Variants in PDE11A observed in about 807,000 individuals in gnomAD.
PDE11A encodes phosphodiesterase 11A, also known as dual 3',5'-cyclic-AMP and -GMP phosphodiesterase 11A.
Under a neutral mutation model 100.5 loss-of-function variants are expected in PDE11A, and 100 were observed. The observed-to-expected ratio is 1.00, with a 90% CI of 0.85 to 1.18. The LOEUF (loss-of-function observed/expected upper bound fraction) is 1.18, where lower values mean the gene tolerates loss of function less well. PDE11A is among the 50% of genes most tolerant of loss of function. The pLI is 0.00. For missense variants in PDE11A, 1,141 were observed against 1,152.6 expected (o/e 0.99, Z 0.15); for synonymous variants, 381 against 420.8 (o/e 0.91, Z 1.16).
chr2:177,738,749 G>A (rs916807199), intron 10 of PDE11A, among the ~76,000 whole-genome samples: 6 of 152,146 alleles, frequency 3.9e-5, no homozygotes, highest in Non-Finnish European at 8.8e-5. Context: ...ATATTCCATG[G>A]TGCTTGATAG....
At chr2:178,075,796 T>C (rs989490483), upstream of PDE11A, among the ~76,000 whole-genome samples, 1 of 152,130 alleles carries the variant, frequency 6.6e-6, no homozygotes, top group Non-Finnish European at 1.5e-5. Context: ...CTTGGCCCTA[T>C]ATGGAAACTT....
rs777632920 is a variant in PDE11A, at chr2:178,072,753, T to C, written c.-316A>G. The C allele has an allele frequency of 3.8e-6, 5 of 1,306,262 alleles. No homozygotes were observed. The highest frequency in any genetic ancestry group is 3.9e-6 in the Non-Finnish European group (4 of 1,019,630). 80.9% of individuals were successfully genotyped at this position (1,306,262 alleles called of 1,614,324 possible). ...CTGCTCCTGTTCTGGCTGCCGCCGC[T>C]GCTGCTGGAACTGCTGCTGTAACCG... is the stretch of plus-strand genomic sequence containing the variant. On this transcript the variant is annotated 5_prime_UTR_variant, in exon 1 of 20. Transcript: ENST00000286063.
At chr2:177,929,694 G>C (rs2085179933) in intron 2 of PDE11A, among the ~76,000 whole-genome samples, 1 of 152,134 alleles carries the variant, frequency 6.6e-6, no homozygotes, top group South Asian at 2.1e-4. Flanking sequence ...GGTGTGGGAA[G>C]AGAGAGTTAA....
At position 177,626,071 on chromosome 2, in the gene PDE11A, C is replaced by T. The variant is rs1281775672; in HGVS notation, c.*3336G>A. The T allele has an allele frequency of 6.6e-6, 1 of 152,616 alleles. No individual in the cohort carries two copies. The highest frequency in any genetic ancestry group is 2.4e-5 in the African/African-American group (1 of 41,432). 9.5% of individuals were successfully genotyped at this position (152,616 alleles called of 1,614,324 possible). Reference sequence around the variant, plus strand: ...TATGGCAGATTGCAATGGTGTTGAACTCCCCTTGCTACCAGTGGATGTTGC... The same window carrying T: ...TATGGCAGATTGCAATGGTGTTGAATTCCCCTTGCTACCAGTGGATGTTGC... On this transcript the variant is annotated 3_prime_UTR_variant, in exon 20 of 20. Transcript: ENST00000286063.
chr2:177,846,805 C>A (rs957372056), intron 5 of PDE11A, among the ~76,000 whole-genome samples: 2 of 152,188 alleles, frequency 1.3e-5, no homozygotes, highest in Non-Finnish European at 2.9e-5. Flanking sequence ...CTCCTTCAAG[C>A]TTTTCTTCAA....
At chr2:177,662,006 G>A (rs1277720396) in intron 19 of PDE11A, among the ~76,000 whole-genome samples, 4 of 152,098 alleles carry the variant, frequency 2.6e-5, no homozygotes, top group Admixed American at 6.6e-5. Flanking sequence ...GTATCTAACC[G>A]ACAGATAAGT....
At chr2:177,911,649 C>T (rs555348886) in intron 2 of PDE11A, among the ~76,000 whole-genome samples, 56 of 152,156 alleles carry the variant, frequency 3.7e-4, no homozygotes, top group African/African-American at 1.3e-3. Context: ...TTTGGGAGGC[C>T]GAGGCAGGTG....
intron 4 of PDE11A, among the ~76,000 whole-genome samples, chr2:177,878,803 G>T (rs897983141): frequency 2.0e-5 from 3 of 152,048 alleles, no homozygotes; most frequent in Non-Finnish European, 4.4e-5. Context: ...TATTGCAGCA[G>T]CAAATTATTT....
chr2:177,869,460 T>C (rs1024771602), intron 5 of PDE11A, among the ~76,000 whole-genome samples: 1 of 152,238 alleles, frequency 6.6e-6, no homozygotes, highest in African/African-American at 2.4e-5. Context: ...ATCCTGCTCG[T>C]GCATAACATG....
At chr2:177,958,859 G>A (rs1171053353) in intron 2 of PDE11A, among the ~76,000 whole-genome samples, 1 of 152,116 alleles carries the variant, frequency 6.6e-6, no homozygotes, top group Non-Finnish European at 1.5e-5. Flanking sequence ...GAAATAAAAG[G>A]AGAAAAAATA....
At chr2:177,888,764 C>T in intron 4 of PDE11A, 1 of 388,836 alleles carries the variant, frequency 2.6e-6, no homozygotes, top group Non-Finnish European at 3.5e-6. Flanking sequence ...CTTGATACCA[C>T]TCCACAGAAA....
upstream of PDE11A, among the ~76,000 whole-genome samples, chr2:178,074,120 T>C (rs2087173764): frequency 6.6e-6 from 1 of 152,116 alleles, no homozygotes; most frequent in African/African-American, 2.4e-5. Context: ...AAGAAGCCAC[T>C]CACAAATGAC....
At chr2:177,868,896 A>T (rs2084075766) in intron 5 of PDE11A, among the ~76,000 whole-genome samples, 1 of 152,196 alleles carries the variant, frequency 6.6e-6, no homozygotes, top group South Asian at 2.1e-4. Context: ...CAGTCTTGCC[A>T]CTAGAAATTT....
chr2:177,658,232 T>G (rs1442064298), intron 19 of PDE11A, among the ~76,000 whole-genome samples: 2 of 152,112 alleles, frequency 1.3e-5, no homozygotes, highest in African/African-American at 2.4e-5. Context: ...GGTACCTAGA[T>G]GTCAGCTGGG....
chr2:177,701,008 A>G, intron 14 of PDE11A, 113 bp downstream of exon 14: 1 of 743,070 alleles, frequency 1.3e-6, no homozygotes, highest in Non-Finnish European at 2.5e-6. Flanking sequence ...TGACTTAGAA[A>G]TGGTTTTCCC....
intron 2 of PDE11A, among the ~76,000 whole-genome samples, chr2:177,925,907 G>A (rs2085118608): frequency 6.6e-6 from 1 of 152,238 alleles, no homozygotes; most frequent in African/African-American, 2.4e-5. Context: ...GAACCTGAGT[G>A]TTGCAGAGGG....
chr2:177,674,374 G>A (rs2105494845), intron 17 of PDE11A, among the ~76,000 whole-genome samples: 1 of 152,354 alleles, frequency 6.6e-6, no homozygotes, highest in East Asian at 1.9e-4. Flanking sequence ...AAATTGAGGT[G>A]TCAGCAGGGA....
intron 4 of PDE11A, among the ~76,000 whole-genome samples, chr2:177,879,458 G>A (rs533103686): frequency 1.3e-5 from 2 of 152,292 alleles, no homozygotes; most frequent in Admixed American, 6.5e-5. Flanking sequence ...ACCGTCTTAT[G>A]TGTCAGGCAG....
intron 12 of PDE11A, among the ~76,000 whole-genome samples, chr2:177,723,830 G>GA (rs1165430020): frequency 6.6e-6 from 1 of 151,618 alleles, no homozygotes; most frequent in Non-Finnish European, 1.5e-5. Context: ...TTATAAAACC[G>GA]AAAAAAATGT....
Sources: allele counts gnomAD v4.1 joint callset (sites outside exome capture counted in the v4.1 genomes callset), GRCh38; gene constraint gnomAD v4.1.1; transcripts MANE v1.5; gene names NCBI Gene and HGNC (gene_info 2026-07-23, HGNC 2026-07-21).